The following MSRA variants were observed in gnomAD, a reference collection of about 807,000 sequenced individuals.
MSRA encodes methionine sulfoxide reductase A, also known as mitochondrial peptide methionine sulfoxide reductase.
In MSRA, 54 loss-of-function variants were observed where a neutral mutation model predicts 31.3. The ratio of observed to expected loss-of-function variants is 1.73; its 90% CI spans 1.39 to 2.17. The LOEUF (loss-of-function observed/expected upper bound fraction) is 2.17, where lower values mean the gene tolerates loss of function less well. Among genes scored for constraint, MSRA ranks in the 30% most tolerant of loss-of-function variants. The pLI is 0.00. For synonymous variants in MSRA, 169 were observed against 116.5 expected (o/e 1.45, Z -2.90); for missense variants, 507 against 300.9 (o/e 1.69, Z -5.07).
At chr8:10,196,448 C>G (rs1196313505) in intron 1 of MSRA, among the ~76,000 whole-genome samples, 1 of 152,126 alleles carries the variant, frequency 6.6e-6, no homozygotes, top group Non-Finnish European at 1.5e-5. Context: ...CCAGCATGGA[C>G]AGATGCTGGG....
intron 2 of MSRA, among the ~76,000 whole-genome samples, chr8:10,218,856 A>T (rs1325236885): frequency 6.6e-6 from 1 of 152,230 alleles, no homozygotes; most frequent in Non-Finnish European, 1.5e-5. Context: ...AATACTTGAA[A>T]ATAGAGCCAC....
chr8:10,232,936 T>C (rs546044435), intron 2 of MSRA, among the ~76,000 whole-genome samples: 1 of 152,348 alleles, frequency 6.6e-6, no homozygotes, highest in African/African-American at 2.4e-5. Flanking sequence ...GATGTAAGTT[T>C]GAATATTTTT....
intron 1 of MSRA, among the ~76,000 whole-genome samples, chr8:10,196,791 C>T (rs555465851): frequency 1.3e-3 from 205 of 151,902 alleles, no homozygotes; most frequent in African/African-American, 4.7e-3. Flanking sequence ...AGGCTGGTCT[C>T]GATCTCCTGA....
intron 1 of MSRA, among the ~76,000 whole-genome samples, chr8:10,156,416 T>C (rs917294689): frequency 6.6e-6 from 1 of 152,030 alleles, no homozygotes; most frequent in Non-Finnish European, 1.5e-5. Context: ...TTGGATAGTT[T>C]GGTAAAAGGA....
intron 1 of MSRA, among the ~76,000 whole-genome samples, chr8:10,185,508 G>GCAT (rs36071021): frequency 2.6e-5 from 4 of 151,664 alleles, no homozygotes; most frequent in East Asian, 3.9e-4. Flanking sequence ...ATCAGCTCTG[G>GCAT]GCACAGCTTA....
intron 1 of MSRA, among the ~76,000 whole-genome samples, chr8:10,169,054 C>G (rs1805381650): frequency 6.6e-6 from 1 of 152,164 alleles, no homozygotes; most frequent in South Asian, 2.1e-4. Context: ...TCCCCATAAC[C>G]TTCTCTCATG....
intron 1 of MSRA, among the ~76,000 whole-genome samples, chr8:10,158,510 T>G (rs1420571730): frequency 2.0e-5 from 3 of 152,234 alleles, no homozygotes; most frequent in Non-Finnish European, 4.4e-5. Context: ...AGCATAAGTT[T>G]TCAGGATTCA....
chr8:10,352,402 G>C (rs902161264), intron 5 of MSRA, among the ~76,000 whole-genome samples: 8 of 152,116 alleles, frequency 5.3e-5, no homozygotes, highest in African/African-American at 1.9e-4. Context: ...CTGTGCTTTG[G>C]GACTACAAGT....
rs1259771275 is a variant in MSRA, at chr8:10,149,140, A to G, written c.143-58693A>G. On this transcript the variant is annotated intron_variant, in intron 1 of 5. Transcript: ENST00000317173. ...CTGGCTAACTTTTTTTTTTTTTTTT[A>G]TTCGTAGTTTTGCTCTCGTCGCCTG... Among the ~76,000 whole-genome samples the G allele has an allele frequency of 1.0e-4, 11 of 108,110 alleles. No individual in the cohort carries two copies. In the Admixed American group the frequency reaches 1.1e-3, roughly 11 times the overall value. The allele number at this position is 108,110 out of a possible 152,430, so 70.9% of individuals were successfully genotyped here. A position where few individuals can be genotyped will look rare whatever the true frequency, so the allele number is the denominator to read the frequency against.
chr8:10,147,353 T>G (rs1041904810), intron 1 of MSRA, among the ~76,000 whole-genome samples: 1 of 152,042 alleles, frequency 6.6e-6, no homozygotes, highest in Admixed American at 6.5e-5. Flanking sequence ...AGGGTCAGCT[T>G]CCGCAGCAGC....
intron 5 of MSRA, among the ~76,000 whole-genome samples, chr8:10,329,086 G>C (rs535476581): frequency 5.9e-5 from 9 of 152,268 alleles, no homozygotes; most frequent in African/African-American, 2.2e-4. Context: ...TAAGTCAGTG[G>C]GTGATAGATG....
At chr8:10,179,215 T>G (rs1407441787) in intron 1 of MSRA, among the ~76,000 whole-genome samples, 1 of 152,202 alleles carries the variant, frequency 6.6e-6, no homozygotes, top group African/African-American at 2.4e-5. Flanking sequence ...AATCATCATC[T>G]ATTTTTTAAC....
chr8:10,269,812 C>T (rs756328501), intron 3 of MSRA, among the ~76,000 whole-genome samples: 2 of 152,140 alleles, frequency 1.3e-5, no homozygotes, highest in African/African-American at 4.8e-5. Context: ...CCACCACGCC[C>T]GGCTAATGTT....
intron 2 of MSRA, among the ~76,000 whole-genome samples, chr8:10,212,011 C>G (rs1809544402): frequency 6.6e-6 from 1 of 151,778 alleles, no homozygotes; most frequent in African/African-American, 2.4e-5. Context: ...ATTCTTGGTA[C>G]AATTAAAAAA....
At chr8:10,250,637 G>A (rs564206548) in intron 3 of MSRA, 20 of 607,880 alleles carry the variant, frequency 3.3e-5, no homozygotes, top group Non-Finnish European at 5.3e-5. Context: ...GAGGTTTCGA[G>A]CAGGAGCCCA....
intron 5 of MSRA, among the ~76,000 whole-genome samples, chr8:10,392,957 C>G (rs548791416): frequency 8.3e-5 from 12 of 145,408 alleles, no homozygotes; most frequent in African/African-American, 1.3e-4. Flanking sequence ...AGCTACTCGG[C>G]AGGCTGAGGC....
intron 1 of MSRA, among the ~76,000 whole-genome samples, chr8:10,186,867 A>G (rs1807100881): frequency 6.6e-6 from 1 of 152,138 alleles, no homozygotes; most frequent in Admixed American, 6.5e-5. Context: ...TGAGCTCTGT[A>G]TGGAGAAAAA....
intron 1 of MSRA, among the ~76,000 whole-genome samples, chr8:10,174,370 A>C (rs1014137707): frequency 6.6e-6 from 1 of 152,170 alleles, no homozygotes; most frequent in African/African-American, 2.4e-5. Context: ...TGGACTCGGG[A>C]TGGAGGAGCC....
intron 3 of MSRA, among the ~76,000 whole-genome samples, chr8:10,298,143 C>T (rs2129122911): frequency 6.6e-6 from 1 of 152,340 alleles, no homozygotes; most frequent in South Asian, 2.1e-4. Context: ...CCATATGTCT[C>T]TGGCAAAATA....
Sources: allele counts gnomAD v4.1 joint callset (sites outside exome capture counted in the v4.1 genomes callset), GRCh38; gene constraint gnomAD v4.1.1; transcripts MANE v1.5; gene names NCBI Gene and HGNC (gene_info 2026-07-23, HGNC 2026-07-21).